Variants in KHDRBS2 observed in about 807,000 individuals in gnomAD.
The protein encoded by KHDRBS2 is KH domain-containing, RNA-binding, signal transduction-associated protein 2.
In KHDRBS2, 26 loss-of-function variants were observed where a neutral mutation model predicts 44.3. The observed-to-expected ratio is 0.59, with a 90% CI of 0.43 to 0.81. The LOEUF (loss-of-function observed/expected upper bound fraction) is 0.81, where lower values mean the gene tolerates loss of function less well. KHDRBS2 is among the 40% of genes least tolerant of loss of function. The pLI is 0.00. For missense variants in KHDRBS2, 476 were observed against 433.1 expected (o/e 1.10, Z -0.88); for synonymous variants, 194 against 151.1 (o/e 1.28, Z -2.08).
At chr6:62,029,445 C>T (rs1448284143) in intron 3 of KHDRBS2, among the ~76,000 whole-genome samples, 1 of 151,658 alleles carries the variant, frequency 6.6e-6, no homozygotes, top group Non-Finnish European at 1.5e-5. Context: ...TATTTTCTAA[C>T]AGAATAAGCT....
chr6:61,872,025 TG>T (rs1156492400), intron 6 of KHDRBS2, among the ~76,000 whole-genome samples: 1 of 152,046 alleles, frequency 6.6e-6, no homozygotes, highest in East Asian at 1.9e-4. Context: ...CAAACCACCA[TG>T]GTGCGTGTAT....
intron 6 of KHDRBS2, among the ~76,000 whole-genome samples, chr6:61,887,299 C>A (rs1468036777): frequency 6.6e-6 from 1 of 152,094 alleles, no homozygotes; most frequent in Non-Finnish European, 1.5e-5. Flanking sequence ...AACATATTAT[C>A]CACTGGTAGA....
At chr6:61,573,814 T>C in the KHDRBS2 span, among the ~76,000 whole-genome samples, 1 of 144,264 alleles carries the variant, frequency 6.9e-6, no homozygotes, top group Non-Finnish European at 1.5e-5. Flanking sequence ...AAAGTAAAAG[T>C]AAAAGAGCCT....
the KHDRBS2 span, among the ~76,000 whole-genome samples, chr6:61,668,476 T>C: frequency 6.6e-6 from 1 of 151,016 alleles, no homozygotes. Flanking sequence ...AAGTAATTAT[T>C]CTGAGACAGA....
chr6:62,265,365 T>C (rs1243238490), intron 1 of KHDRBS2, among the ~76,000 whole-genome samples: 2 of 151,924 alleles, frequency 1.3e-5, no homozygotes, highest in Admixed American at 1.3e-4. Flanking sequence ...ATTAATTAGT[T>C]TCCACTTTGA....
intron 1 of KHDRBS2, among the ~76,000 whole-genome samples, chr6:62,238,697 C>A (rs1305533266): frequency 1.3e-5 from 2 of 151,434 alleles, no homozygotes; most frequent in African/African-American, 2.4e-5. Context: ...TACACACACA[C>A]ACACACACAC....
intron 2 of KHDRBS2, among the ~76,000 whole-genome samples, chr6:62,132,352 G>A (rs930439723): frequency 1.1e-4 from 17 of 152,118 alleles, no homozygotes; most frequent in Non-Finnish European, 2.4e-4. Context: ...AGTCCTCAAA[G>A]TATGGTTCCT....
intron 2 of KHDRBS2, among the ~76,000 whole-genome samples, chr6:62,165,828 C>G (rs1272264091): frequency 6.6e-6 from 1 of 151,966 alleles, no homozygotes; most frequent in African/African-American, 2.4e-5. Context: ...GTCACTATAC[C>G]TAGCCCATTT....
At chr6:61,888,733 T>C (rs1448863792) in intron 6 of KHDRBS2, among the ~76,000 whole-genome samples, 3 of 151,916 alleles carry the variant, frequency 2.0e-5, no homozygotes, top group Non-Finnish European at 4.4e-5. Context: ...AGCTAACTTT[T>C]CGCATTTTTA....
At chr6:62,186,561 G>T (rs1200472255) in intron 1 of KHDRBS2, among the ~76,000 whole-genome samples, 3 of 151,772 alleles carry the variant, frequency 2.0e-5, no homozygotes, top group Non-Finnish European at 2.9e-5. Flanking sequence ...TTATATAAAT[G>T]CTAGGAATAT....
At chr6:61,897,448 T>C (rs1254589856) in intron 5 of KHDRBS2, among the ~76,000 whole-genome samples, 2 of 152,076 alleles carry the variant, frequency 1.3e-5, no homozygotes, top group African/African-American at 4.8e-5. Flanking sequence ...CAAGAATAAT[T>C]ATATTCTTCA....
the KHDRBS2 span, among the ~76,000 whole-genome samples, chr6:61,643,079 T>C: frequency 1.3e-5 from 2 of 152,208 alleles, no homozygotes; most frequent in Non-Finnish European, 2.9e-5. Flanking sequence ...TATACATATA[T>C]ATTCTGATAT....
At chr6:62,132,433 A>C (rs753522655) in intron 2 of KHDRBS2, among the ~76,000 whole-genome samples, 49 of 152,216 alleles carry the variant, frequency 3.2e-4, no homozygotes, top group Non-Finnish European at 5.7e-4. Context: ...TCCCAGCCCC[A>C]CTGAATCAGA....
chr6:62,133,334 T>G (rs1055912128), intron 2 of KHDRBS2, among the ~76,000 whole-genome samples: 2 of 152,196 alleles, frequency 1.3e-5, no homozygotes, highest in African/African-American at 4.8e-5. Context: ...TCTCATGAGA[T>G]CTGATAGTTT....
At chr6:61,817,358 T>A (rs1052567320) in intron 6 of KHDRBS2, among the ~76,000 whole-genome samples, 1 of 152,132 alleles carries the variant, frequency 6.6e-6, no homozygotes, top group Non-Finnish European at 1.5e-5. Flanking sequence ...TTGTCACTTA[T>A]GGTGTCAAAA....
the KHDRBS2 span, among the ~76,000 whole-genome samples, chr6:61,654,103 C>G: frequency 6.6e-6 from 1 of 151,946 alleles, no homozygotes; most frequent in Non-Finnish European, 1.5e-5. Flanking sequence ...CAGGTCCATA[C>G]TTCAGTCCTG....
intron 6 of KHDRBS2, among the ~76,000 whole-genome samples, chr6:61,738,916 G>T (rs1416789192): frequency 6.6e-6 from 1 of 151,698 alleles, no homozygotes; most frequent in South Asian, 2.1e-4. Flanking sequence ...CTATTATCCA[G>T]GCATTAAACA....
chr6:62,039,985 C>A (rs562899118), intron 3 of KHDRBS2, among the ~76,000 whole-genome samples: 39 of 151,998 alleles, frequency 2.6e-4, no homozygotes, highest in African/African-American at 8.7e-4. Flanking sequence ...GACTTTAAAC[C>A]AGCTTTATGA....
At chr6:62,110,162 A>G (rs1313038727) in intron 2 of KHDRBS2, among the ~76,000 whole-genome samples, 1 of 152,114 alleles carries the variant, frequency 6.6e-6, no homozygotes, top group African/African-American at 2.4e-5. Flanking sequence ...AATTGTTTAC[A>G]TTAAAAAGAA....
Sources: gnomAD v4.1 joint callset for allele counts (sites outside exome capture counted in the v4.1 genomes callset) on GRCh38, gnomAD v4.1.1 for gene constraint, MANE v1.5 for transcripts, NCBI Gene and HGNC (gene_info 2026-07-23, HGNC 2026-07-21) for gene names.